THNSL1: variants seen among roughly 807,000 people sequenced by gnomAD.
THNSL1 encodes threonine synthase-like 1.
THNSL1 carries 48 observed loss-of-function variants against 50.4 expected under a neutral mutation model. The ratio of observed to expected loss-of-function variants is 0.95; its 90% CI spans 0.76 to 1.21. The LOEUF (loss-of-function observed/expected upper bound fraction) is 1.21, where lower values mean the gene tolerates loss of function less well. THNSL1 is among the 50% of genes most tolerant of loss of function. The probability of loss-of-function intolerance (pLI) is 0.00; values close to 1 mark genes in which losing one functional copy is unlikely to be tolerated. For synonymous variants in THNSL1, 309 were observed against 306.1 expected, an observed-to-expected ratio of 1.01 and a Z score of -0.10; for missense variants, 896 against 871.7, an observed-to-expected ratio of 1.03 and a Z score of -0.35.
the THNSL1 span, among the ~76,000 whole-genome samples, chr10:24,974,068 A>C: frequency 1.3e-5 from 2 of 152,178 alleles, no homozygotes; most frequent in Non-Finnish European, 2.9e-5. Flanking sequence ...AGGTTTAATG[A>C]TATACAGACA....
At chr10:24,990,454 A>T in the THNSL1 span, 2 of 1,605,560 alleles carry the variant, frequency 1.2e-6, no homozygotes, top group Non-Finnish European at 1.7e-6. Context: ...TAAATGGCAG[A>T]ACACACACCT....
chr10:25,015,815 T>A (rs1031603384), upstream of THNSL1: 12 of 1,533,480 alleles, frequency 7.8e-6, no homozygotes, highest in African/African-American at 1.5e-4. Context: ...ATACTGAGTA[T>A]TCCCCATTCT....
the THNSL1 span, among the ~76,000 whole-genome samples, chr10:24,972,522 AAAT>A: frequency 6.7e-6 from 1 of 150,140 alleles, no homozygotes; most frequent in African/African-American, 2.5e-5. Context: ...AAAAAAAAAT[AAAT>A]AATAATAATA....
chr10:24,966,425 C>T, the THNSL1 span, among the ~76,000 whole-genome samples: 1 of 152,240 alleles, frequency 6.6e-6, no homozygotes. Context: ...GTCCTTTCTC[C>T]CAGTGCTGTG....
chr10:24,973,862 T>G, the THNSL1 span, among the ~76,000 whole-genome samples: 2 of 152,170 alleles, frequency 1.3e-5, no homozygotes, highest in Non-Finnish European at 2.9e-5. Flanking sequence ...CATGTGATTC[T>G]CCTGCCTCAG....
the THNSL1 span, among the ~76,000 whole-genome samples, chr10:24,973,554 C>T: frequency 1.3e-5 from 2 of 152,030 alleles, no homozygotes; most frequent in African/African-American, 2.4e-5. Flanking sequence ...ACCACAGATA[C>T]AGGAGGACTA....
In THNSL1 at chr10:25,025,271, A is replaced by G. The variant is rs1184814518; in HGVS notation, c.2048A>G (p.Glu683Gly). 11 of 1,614,244 alleles carry G rather than the reference A, an allele frequency of 6.8e-6. No homozygotes were observed. Among genetic ancestry groups the G allele is most frequent in the Non-Finnish European group, 8.5e-6 (10 of 1,180,036 alleles). ...PAIMQALKIK[E>G]INETSSSQLY... is the part of the protein sequence containing the mutation. ...ATCATGCAGGCTTTAAAGATTAAAG[A>G]AATCAATGAGACTTCATCAAGTCAG... The change falls in exon 3 of 3, where the codon GAA becomes GGA. Residue 683 changes from glutamate (E) to glycine (G), a missense_variant. Coordinates refer to ENST00000376356, the MANE Select transcript of THNSL1 (RefSeq NM_024838.5).
the THNSL1 span, among the ~76,000 whole-genome samples, chr10:24,991,739 A>T: frequency 1.1e-4 from 17 of 152,216 alleles, no homozygotes; most frequent in Non-Finnish European, 2.2e-4. Flanking sequence ...ATACCAAGGC[A>T]AGACTCCTGG....
At chr10:25,004,395 CAGTG>C in the THNSL1 span, among the ~76,000 whole-genome samples, 5 of 152,216 alleles carry the variant, frequency 3.3e-5, no homozygotes, top group East Asian at 1.9e-4. Flanking sequence ...CTCCCATCAG[CAGTG>C]AGTAAGTGTT....
At chr10:25,008,448 C>T in the THNSL1 span, among the ~76,000 whole-genome samples, 1 of 152,268 alleles carries the variant, frequency 6.6e-6, no homozygotes, top group Admixed American at 6.5e-5. Context: ...AAGTCAGATA[C>T]ATAACCATAC....
rs1850858603 is a variant in THNSL1 at position 25,026,639 on chromosome 10, T to G, written c.*1184T>G. 3 of 162,520 alleles carry G rather than the reference T, an allele frequency of 1.8e-5. No homozygotes were observed. The highest frequency in any genetic ancestry group is 7.2e-5 in the African/African-American group (3 of 41,458). 10.1% of individuals were successfully genotyped at this position (162,520 alleles called of 1,614,324 possible). A position where few individuals can be genotyped will look rare whatever the true frequency, so the allele number is the denominator to read the frequency against. On this transcript the variant is annotated 3_prime_UTR_variant, in exon 3 of 3. Coordinates refer to ENST00000376356, the MANE Select transcript of THNSL1 (RefSeq NM_024838.5). ...TTGTGAATTTACTGGATGTTTTCTT[T>G]CTGAATTAAAGATTGTCAAGACCAA...
chr10:25,007,449 T>C, the THNSL1 span, among the ~76,000 whole-genome samples: 1 of 152,186 alleles, frequency 6.6e-6, no homozygotes, highest in South Asian at 2.1e-4. Context: ...TTTGTTTATT[T>C]ATTGAGATGG....
chr10:24,986,356 T>C, the THNSL1 span, among the ~76,000 whole-genome samples: 2 of 152,188 alleles, frequency 1.3e-5, no homozygotes, highest in African/African-American at 2.4e-5. Flanking sequence ...TGAGGCCTTC[T>C]TGAGTGAGCT....
intron 1 of THNSL1, among the ~76,000 whole-genome samples, chr10:25,020,904 A>T (rs1245525596): frequency 6.6e-6 from 1 of 152,218 alleles, no homozygotes; most frequent in Non-Finnish European, 1.5e-5. Context: ...AGACTGTTTT[A>T]TGTAAGTGCC....
upstream of THNSL1, among the ~76,000 whole-genome samples, chr10:25,012,065 G>A (rs753267117): frequency 5.9e-5 from 9 of 152,232 alleles, no homozygotes; most frequent in Non-Finnish European, 1.0e-4. Flanking sequence ...ACAACGTAGA[G>A]CTCAGGCCAT....
the THNSL1 span, chr10:24,984,278 A>G: frequency 7.3e-7 from 1 of 1,378,610 alleles, no homozygotes; most frequent in East Asian, 2.3e-5. Context: ...CTCAGAAACA[A>G]TGTGTTGGAG....
intron 1 of THNSL1, among the ~76,000 whole-genome samples, chr10:25,017,745 A>G (rs895968717): frequency 2.6e-5 from 4 of 151,698 alleles, no homozygotes; most frequent in Non-Finnish European, 5.9e-5. Context: ...CTGTAGATCT[A>G]TATTTAGATC....
chr10:24,961,758 A>G, the THNSL1 span, among the ~76,000 whole-genome samples: 5 of 152,220 alleles, frequency 3.3e-5, no homozygotes, highest in African/African-American at 7.2e-5. Context: ...ATTGTACTCC[A>G]TAAAGTAATA....
the THNSL1 span, among the ~76,000 whole-genome samples, chr10:24,979,457 A>G: frequency 6.6e-6 from 1 of 152,198 alleles, no homozygotes; most frequent in Non-Finnish European, 1.5e-5. Context: ...TCCCATTGTC[A>G]AGGATCTACT....
Sources: allele counts gnomAD v4.1 joint callset (sites outside exome capture counted in the v4.1 genomes callset), GRCh38; gene constraint gnomAD v4.1.1; transcripts MANE v1.5; gene names NCBI Gene and HGNC (gene_info 2026-07-23, HGNC 2026-07-21).